Variants in RALGAPA2 observed in about 807,000 individuals in gnomAD.
RALGAPA2 encodes the protein ral GTPase-activating protein subunit alpha-2.
In RALGAPA2, 139 loss-of-function variants were observed where a neutral mutation model predicts 230.4. The ratio of observed to expected loss-of-function variants is 0.60; its 90% CI spans 0.53 to 0.69. The LOEUF is 0.69. Ranked by LOEUF, RALGAPA2 falls within the 30% of genes least tolerant of loss-of-function variation. The pLI is 0.00. For synonymous variants in RALGAPA2, 847 were observed against 837.8 expected, an observed-to-expected ratio of 1.01 and a Z score of -0.19; for missense variants, 2,163 against 2,276.0, an observed-to-expected ratio of 0.95 and a Z score of 1.01.
At chr20:20,446,080 T>C (rs1365285352) in intron 37 of RALGAPA2, among the ~76,000 whole-genome samples, 2 of 152,096 alleles carry the variant, frequency 1.3e-5, no homozygotes, top group Admixed American at 6.6e-5. Context: ...TAACAGGAGC[T>C]GTGGTTAGTA....
intron 11 of RALGAPA2, among the ~76,000 whole-genome samples, chr20:20,620,031 G>A (rs2066272894): frequency 6.6e-6 from 1 of 152,178 alleles, no homozygotes; most frequent in Non-Finnish European, 1.5e-5. Context: ...TCCTTTCACA[G>A]GGGTAACACC....
intron 36 of RALGAPA2, among the ~76,000 whole-genome samples, chr20:20,490,282 TTTTAA>T (rs1386261059): frequency 6.6e-6 from 1 of 152,342 alleles, no homozygotes; most frequent in East Asian, 1.9e-4. Flanking sequence ...AGAAATTTGA[TTTTAA>T]TTTAACATCT....
chr20:20,419,163 C>T (rs1173050941), intron 37 of RALGAPA2, among the ~76,000 whole-genome samples: 1 of 152,064 alleles, frequency 6.6e-6, no homozygotes. Flanking sequence ...AGGGGTTGTA[C>T]CTGGGAGGTT....
At chr20:20,524,209 GC>G (rs1403804936) in intron 30 of RALGAPA2, among the ~76,000 whole-genome samples, 196 bp downstream of exon 30, 1 of 152,176 alleles carries the variant, frequency 6.6e-6, no homozygotes, top group African/African-American at 2.4e-5. Context: ...GCCCGCCTCG[GC>G]CTCCCAAAGT....
At chr20:20,552,501 G>C (rs890594937) in intron 23 of RALGAPA2, among the ~76,000 whole-genome samples, 3 of 152,208 alleles carry the variant, frequency 2.0e-5, no homozygotes, top group Non-Finnish European at 4.4e-5. Flanking sequence ...TCTATAGGAA[G>C]CTCTTTTATT....
intron 1 of RALGAPA2, among the ~76,000 whole-genome samples, chr20:20,696,445 C>G (rs988710141): frequency 1.3e-5 from 2 of 152,150 alleles, no homozygotes; most frequent in African/African-American, 4.8e-5. Flanking sequence ...TATGAGGGAA[C>G]CACATTGATT....
Position 20,526,299 on chromosome 20 carries a change from C to G in RALGAPA2, c.3646G>C (p.Glu1216Gln). Residue 1216 changes from glutamate (E) to glutamine (Q), a missense_variant, in exon 28 of 40, where the codon GAG becomes CAG. By Grantham distance (29) the Glu-to-Gln change is conservative. Coordinates refer to ENST00000202677, the MANE Select transcript of RALGAPA2 (RefSeq NM_020343.4). The part of the protein sequence containing the change: ...DVLQLLVSYW[E>Q]KLQMFETSLP... ...GAGGTTTCAAACATCTGAAGCTTCT[C>G]CCAGTAGGAAACCAGCAACTGAAGG... 1 of 1,609,064 alleles carries G rather than the reference C, an allele frequency of 6.2e-7. No homozygotes were observed. The highest frequency in any genetic ancestry group is 8.5e-7 in the Non-Finnish European group (1 of 1,178,610).
intron 13 of RALGAPA2, among the ~76,000 whole-genome samples, chr20:20,612,678 C>T (rs2066011244): frequency 6.6e-6 from 1 of 152,168 alleles, no homozygotes; most frequent in African/African-American, 2.4e-5. Context: ...ATTCTGGAAG[C>T]ACAGAAGAGG....
chr20:20,625,779 C>T lies in RALGAPA2; in HGVS notation c.1233+3584G>A, dbSNP rs186844605. 2.6e-3 allele frequency among the ~76,000 whole-genome samples: 399 copies of T among 152,154 alleles called. 1 individual carries two copies. The highest frequency in any genetic ancestry group is 3.5e-3 in the Non-Finnish European group (237 of 68,008). ...AGTCTGAAAAACGCCAATGAGAAGA[C>T]GAGTTTACAGTGAAGTGACCCAGTG... On this transcript the variant is annotated intron_variant, in intron 10 of 39. Coordinates refer to ENST00000202677, the MANE Select transcript of RALGAPA2 (RefSeq NM_020343.4).
At chr20:20,458,824 A>ATATATATATATAGACC (rs1343188914) in intron 37 of RALGAPA2, among the ~76,000 whole-genome samples, 1 of 3,514 alleles carries the variant, frequency 2.8e-4, no homozygotes, top group African/African-American at 9.3e-4. Context: ...ATATAGACCT[A>ATATATATATATAGACC]TATATATATA....
At position 20,478,921 on chromosome 20, in the gene RALGAPA2, C is replaced by T. The variant is rs116847056; in HGVS notation, c.5368-5965G>A. Among the ~76,000 whole-genome samples the T allele has an allele frequency of 3.8e-4, 57 of 150,566 alleles. 4 individuals carry two copies. The East Asian group carries it at 0.011, about 29-fold the overall frequency. On this transcript the variant is annotated intron_variant, in intron 36 of 39. Coordinates refer to ENST00000202677, the MANE Select transcript of RALGAPA2 (RefSeq NM_020343.4). Reference sequence around the variant, plus strand: ...TCTAATACAATTGACAGGTCTTTGGCAAGGTGAATCAAGAAAAAAAAAGCA... The same window carrying T: ...TCTAATACAATTGACAGGTCTTTGGTAAGGTGAATCAAGAAAAAAAAAGCA...
chr20:20,532,599 T>G (rs564362494), intron 26 of RALGAPA2, among the ~76,000 whole-genome samples: 2 of 152,308 alleles, frequency 1.3e-5, no homozygotes, highest in South Asian at 4.1e-4. Context: ...ATGGTTGTGT[T>G]AAAACATTCA....
At chr20:20,520,296 T>C (rs2062998524) in intron 31 of RALGAPA2, among the ~76,000 whole-genome samples, 1 of 152,198 alleles carries the variant, frequency 6.6e-6, no homozygotes, top group African/African-American at 2.4e-5. Flanking sequence ...ATAGACAGTA[T>C]ACCCACATTC....
chr20:20,410,370 C>T (rs549906527), intron 38 of RALGAPA2, among the ~76,000 whole-genome samples: 3 of 152,226 alleles, frequency 2.0e-5, no homozygotes, highest in East Asian at 3.9e-4. Flanking sequence ...GGAATGAAAA[C>T]ATCTAGTTAT....
chr20:20,498,164 T>A (rs2123636501), intron 35 of RALGAPA2, among the ~76,000 whole-genome samples: 1 of 152,256 alleles, frequency 6.6e-6, no homozygotes. Context: ...GGCCCTCAAA[T>A]TAGAAACCCA....
chr20:20,496,098 A>G (rs1251911702), intron 35 of RALGAPA2, among the ~76,000 whole-genome samples: 1 of 151,182 alleles, frequency 6.6e-6, no homozygotes, highest in African/African-American at 2.5e-5. Context: ...AAGCTACCTA[A>G]GCCTGCACCC....
At chr20:20,516,965 G>C (rs1223215934) in intron 31 of RALGAPA2, among the ~76,000 whole-genome samples, 1 of 152,210 alleles carries the variant, frequency 6.6e-6, no homozygotes, top group African/African-American at 2.4e-5. Context: ...GTGCAACAGG[G>C]AAAGTCTGCA....
rs2068204164 is a variant in RALGAPA2 at position 20,673,315 on chromosome 20, CA to C, written c.270+2920del. Among the ~76,000 whole-genome samples the C allele has an allele frequency of 2.0e-5, 3 of 151,754 alleles. No homozygotes were observed. In the South Asian group the frequency reaches 6.2e-4, roughly 32 times the overall value. On this transcript the variant is annotated intron_variant, in intron 3 of 39. Coordinates refer to ENST00000202677, the MANE Select transcript of RALGAPA2 (RefSeq NM_020343.4). ...ACAGAGTTTAAAGCTGCTACAATGG[CA>C]ACTAGAAGATAGTAAAAATGTGGCA...
At chr20:20,527,069 G>T (rs1045392466) in intron 27 of RALGAPA2, among the ~76,000 whole-genome samples, 1 of 152,114 alleles carries the variant, frequency 6.6e-6, no homozygotes. Context: ...GAGCACAGAA[G>T]GGACAAGGGC....
Sources: allele counts gnomAD v4.1 joint callset (sites outside exome capture counted in the v4.1 genomes callset), GRCh38; gene constraint gnomAD v4.1.1; transcripts MANE v1.5; gene names NCBI Gene and HGNC (gene_info 2026-07-23, HGNC 2026-07-21).